FRS2: variants seen among roughly 807,000 people sequenced by gnomAD.
FRS2 encodes the protein FGFR signalling adaptor.
Under a neutral mutation model 43.9 loss-of-function variants are expected in FRS2, and 8 were observed. The ratio of observed to expected loss-of-function variants is 0.18; its 90% confidence interval spans 0.11 to 0.33. The LOEUF (loss-of-function observed/expected upper bound fraction) is 0.33. Ranked by LOEUF, FRS2 falls within the 10% of genes least tolerant of loss-of-function variation. The probability of loss-of-function intolerance (pLI) is 1.00; values close to 1 mark genes in which losing one functional copy is unlikely to be tolerated. For synonymous variants in FRS2, 219 were observed against 220.3 expected, an observed-to-expected ratio of 0.99 and a Z score of 0.05; for missense variants, 534 against 627.6, an observed-to-expected ratio of 0.85 and a Z score of 1.59.
chr12:69,510,924 G>A (rs927692941), intron 1 of FRS2, among the ~76,000 whole-genome samples: 8 of 152,138 alleles, frequency 5.3e-5, no homozygotes, highest in South Asian at 2.1e-4. Flanking sequence ...GCCCTTTGAA[G>A]CTCTTTGAAC....
At chr12:69,545,391 A>C (rs894873448) in intron 3 of FRS2, among the ~76,000 whole-genome samples, 1 of 152,176 alleles carries the variant, frequency 6.6e-6, no homozygotes, top group Non-Finnish European at 1.5e-5. Flanking sequence ...CTTAACTACA[A>C]AGCTACAGTA....
intron 1 of FRS2, among the ~76,000 whole-genome samples, chr12:69,480,900 A>G (rs1372105979): frequency 6.6e-6 from 1 of 152,058 alleles, no homozygotes; most frequent in African/African-American, 2.4e-5. Context: ...CTTGTCTTGT[A>G]ATTTTTGACT....
chr12:69,555,683 A>T (rs488866), intron 3 of FRS2, among the ~76,000 whole-genome samples: 14,179 of 152,206 alleles, frequency 0.093, 871 homozygotes, highest in Non-Finnish European at 0.14. Context: ...TGACTGTGGC[A>T]CTTGAGTGTG....
intron 3 of FRS2, among the ~76,000 whole-genome samples, chr12:69,549,984 G>A (rs1374980667): frequency 1.3e-5 from 2 of 151,956 alleles, no homozygotes; most frequent in African/African-American, 2.4e-5. Context: ...CTTCACACTG[G>A]GCAGTCTCAT....
intron 1 of FRS2, among the ~76,000 whole-genome samples, chr12:69,507,854 G>A (rs1293132230): frequency 2.0e-5 from 3 of 151,792 alleles, no homozygotes; most frequent in Admixed American, 1.3e-4. Flanking sequence ...GAGAAACCCT[G>A]TCTCTACTAA....
intron 1 of FRS2, among the ~76,000 whole-genome samples, chr12:69,523,105 A>G (rs1875856195): frequency 2.0e-5 from 3 of 152,232 alleles, no homozygotes; most frequent in Admixed American, 2.0e-4. Flanking sequence ...CATTTGGTCC[A>G]GTGTTGAGTT....
intron 1 of FRS2, among the ~76,000 whole-genome samples, chr12:69,478,036 C>T (rs974807697): frequency 9.2e-5 from 14 of 152,032 alleles, no homozygotes; most frequent in South Asian, 2.1e-4. Context: ...CCACCGCGCC[C>T]GGCTGTTTAT....
chr12:69,511,560 A>G (rs986897568), intron 1 of FRS2, among the ~76,000 whole-genome samples: 1 of 152,198 alleles, frequency 6.6e-6, no homozygotes, highest in African/African-American at 2.4e-5. Context: ...GAAACGTGAT[A>G]TTACTTAATT....
chr12:69,529,329 A>ATGG (rs1876562225), intron 1 of FRS2, among the ~76,000 whole-genome samples: 1 of 152,204 alleles, frequency 6.6e-6, no homozygotes, highest in Admixed American at 6.5e-5. Flanking sequence ...ACATTTTAAA[A>ATGG]TACTAGAAGG....
chr12:69,499,715 G>T (rs758030662), intron 1 of FRS2, among the ~76,000 whole-genome samples: 1 of 148,332 alleles, frequency 6.7e-6, no homozygotes, highest in Non-Finnish European at 1.5e-5. Flanking sequence ...TGAATCACAG[G>T]TAGCTTCTAG....
chr12:69,544,480 G>A (rs1878192311), intron 3 of FRS2, among the ~76,000 whole-genome samples: 1 of 152,144 alleles, frequency 6.6e-6, no homozygotes, highest in African/African-American at 2.4e-5. Flanking sequence ...GCTGAGGTGG[G>A]TGAGTCACTT....
intron 1 of FRS2, among the ~76,000 whole-genome samples, chr12:69,481,237 T>C (rs1024484565): frequency 2.0e-5 from 3 of 152,098 alleles, no homozygotes; most frequent in African/African-American, 7.2e-5. Context: ...AAGAGTATTC[T>C]CTTAAGATAA....
At chr12:69,549,301 T>TTA (rs1384553070) in intron 3 of FRS2, among the ~76,000 whole-genome samples, 31 of 152,198 alleles carry the variant, frequency 2.0e-4, no homozygotes, top group African/African-American at 6.8e-4. Flanking sequence ...ATATAATATT[T>TTA]TATAACTTCA....
At chr12:69,486,792 A>G (rs1044254455) in intron 1 of FRS2, among the ~76,000 whole-genome samples, 13 of 152,240 alleles carry the variant, frequency 8.5e-5, no homozygotes, top group African/African-American at 2.7e-4. Flanking sequence ...ATAGAAGATC[A>G]AACCAGCCAT....
At chr12:69,501,932 T>C (rs1362540012) in intron 1 of FRS2, among the ~76,000 whole-genome samples, 1 of 152,100 alleles carries the variant, frequency 6.6e-6, no homozygotes, top group Non-Finnish European at 1.5e-5. Context: ...GAAACAACTG[T>C]ATGGAGAAAC....
At chr12:69,519,435 C>T (rs560713028) in intron 1 of FRS2, among the ~76,000 whole-genome samples, 11 of 152,234 alleles carry the variant, frequency 7.2e-5, no homozygotes, top group African/African-American at 2.2e-4. Flanking sequence ...TTCAGGAATA[C>T]GTGTGCAAGT....
At chr12:69,529,453 G>A (rs141318570) in intron 1 of FRS2, among the ~76,000 whole-genome samples, 30 of 151,982 alleles carry the variant, frequency 2.0e-4, no homozygotes, top group African/African-American at 6.0e-4. Context: ...GTGAAACCTC[G>A]TCTCTACTAA....
intron 1 of FRS2, among the ~76,000 whole-genome samples, chr12:69,508,877 A>G (rs563287974): frequency 2.6e-5 from 4 of 152,198 alleles, no homozygotes; most frequent in Admixed American, 6.5e-5. Flanking sequence ...GCTTTTATAC[A>G]TACTTCCCTT....
intron 1 of FRS2, among the ~76,000 whole-genome samples, chr12:69,515,537 G>A (rs763043320): frequency 5.3e-5 from 8 of 152,090 alleles, no homozygotes; most frequent in Non-Finnish European, 1.0e-4. Context: ...CCGAGACTGA[G>A]GGAGGAAGGG....
Sources: gnomAD v4.1 joint callset for allele counts (sites outside exome capture counted in the v4.1 genomes callset) on GRCh38, gnomAD v4.1.1 for gene constraint, MANE v1.5 for transcripts, NCBI Gene and HGNC (gene_info 2026-07-23, HGNC 2026-07-21) for gene names.